Variants in MTUS2 observed in about 807,000 individuals in gnomAD.
MTUS2 encodes the protein microtubule-associated tumor suppressor candidate 2.
In MTUS2, 40 loss-of-function variants were observed where a neutral mutation model predicts 114.1. The ratio of observed to expected loss-of-function variants is 0.35; its 90% CI spans 0.27 to 0.46. The LOEUF (loss-of-function observed/expected upper bound fraction) is 0.46. Among genes scored for constraint, MTUS2 ranks in the 20% least tolerant of loss-of-function variants. The pLI, the probability that MTUS2 is intolerant of heterozygous loss-of-function variation, is 1.00. For missense variants in MTUS2, 1,679 were observed against 1,705.4 expected, an observed-to-expected ratio of 0.98 and a Z score of 0.27; for synonymous variants, 688 against 672.0, an observed-to-expected ratio of 1.02 and a Z score of -0.37.
At chr13:29,375,437 A>G (rs111551715) in intron 8 of MTUS2, among the ~76,000 whole-genome samples, 27,221 of 120,544 alleles carry the variant, frequency 0.23, 5,027 homozygotes, top group Middle Eastern at 0.32. Context: ...AAAAACCGCA[A>G]TTACTTACTT....
intron 2 of MTUS2, among the ~76,000 whole-genome samples, chr13:28,852,111 G>C (rs568017625): frequency 6.7e-4 from 102 of 152,178 alleles, no homozygotes; most frequent in African/African-American, 2.2e-3. Flanking sequence ...CTGCTTGCAG[G>C]ATTACTCCCT....
At chr13:29,250,737 T>C (rs1295753364) in intron 5 of MTUS2, among the ~76,000 whole-genome samples, 1 of 151,924 alleles carries the variant, frequency 6.6e-6, no homozygotes, top group Admixed American at 6.6e-5. Flanking sequence ...TCACATCTAG[T>C]CTCTCAGGAT....
chr13:29,203,308 C>T (rs1014441043), intron 5 of MTUS2, among the ~76,000 whole-genome samples: 1 of 152,184 alleles, frequency 6.6e-6, no homozygotes, highest in African/African-American at 2.4e-5. Context: ...TTTGTTTACA[C>T]TGTGAGGGGA....
chr13:28,929,955 GC>G (rs1214491359), intron 2 of MTUS2, among the ~76,000 whole-genome samples: 1 of 152,134 alleles, frequency 6.6e-6, no homozygotes, highest in East Asian at 1.9e-4. Flanking sequence ...AGGAGGTGGG[GC>G]TGAGGCTGCA....
At chr13:29,233,233 G>GAAAA (rs5802513) in intron 5 of MTUS2, among the ~76,000 whole-genome samples, 53 of 147,704 alleles carry the variant, frequency 3.6e-4, no homozygotes, top group African/African-American at 1.0e-3. Flanking sequence ...CATTTTTTAA[G>GAAAA]AAAAAAAAAA....
intron 5 of MTUS2, among the ~76,000 whole-genome samples, chr13:29,278,873 T>C (rs1593254488): frequency 6.6e-6 from 1 of 152,214 alleles, no homozygotes; most frequent in Non-Finnish European, 1.5e-5. Context: ...CTACAGGTAT[T>C]ATCAGATTTA....
intron 5 of MTUS2, among the ~76,000 whole-genome samples, chr13:29,192,276 G>T (rs890842515): frequency 6.6e-6 from 1 of 152,286 alleles, no homozygotes; most frequent in Admixed American, 6.5e-5. Context: ...CTAGGTATGT[G>T]ACTCTGTTCA....
At chr13:29,139,728 T>C (rs547452471) in intron 5 of MTUS2, among the ~76,000 whole-genome samples, 3 of 152,318 alleles carry the variant, frequency 2.0e-5, no homozygotes, top group African/African-American at 7.2e-5. Context: ...ACAATGATTA[T>C]TTAGAGTCAT....
intron 9 of MTUS2, among the ~76,000 whole-genome samples, chr13:29,457,241 C>T (rs536670453): frequency 6.6e-6 from 1 of 151,920 alleles, no homozygotes; most frequent in South Asian, 2.1e-4. Flanking sequence ...TCTATGTAAT[C>T]ACCACCCAAA....
intron 5 of MTUS2, among the ~76,000 whole-genome samples, chr13:29,266,545 A>C (rs1398526405): frequency 6.6e-6 from 1 of 152,202 alleles, no homozygotes; most frequent in Non-Finnish European, 1.5e-5. Context: ...AAACCATTAA[A>C]TTTTGATAAA....
At chr13:29,298,297 T>G (rs915327416) in intron 6 of MTUS2, among the ~76,000 whole-genome samples, 1 of 152,196 alleles carries the variant, frequency 6.6e-6, no homozygotes, top group Admixed American at 6.5e-5. Flanking sequence ...TTATTTGAGT[T>G]CCTCTCTACC....
intron 2 of MTUS2, among the ~76,000 whole-genome samples, chr13:28,897,032 A>C (rs1879316003): frequency 6.6e-6 from 1 of 152,354 alleles, no homozygotes; most frequent in East Asian, 1.9e-4. Flanking sequence ...CAATGGCAAC[A>C]AAAGCCAAAA....
intron 5 of MTUS2, among the ~76,000 whole-genome samples, chr13:29,152,086 G>C (rs755834664): frequency 6.6e-6 from 1 of 151,670 alleles, no homozygotes; most frequent in Non-Finnish European, 1.5e-5. Flanking sequence ...GATTTTTTTT[G>C]GGGGGGAATA....
intron 5 of MTUS2, among the ~76,000 whole-genome samples, chr13:29,195,152 G>C (rs1894630186): frequency 6.7e-6 from 1 of 148,904 alleles, no homozygotes; most frequent in Non-Finnish European, 1.5e-5. Context: ...TAAATGACGA[G>C]TTAATGGGTG....
intron 2 of MTUS2, among the ~76,000 whole-genome samples, chr13:28,981,951 G>A (rs1344284267): frequency 1.1e-4 from 17 of 152,178 alleles, no homozygotes; most frequent in Admixed American, 6.5e-5. Flanking sequence ...AATTGCTTCC[G>A]AGTGCCCCAG....
chr13:29,392,944 A>G (rs1873624323), intron 8 of MTUS2, among the ~76,000 whole-genome samples: 1 of 152,214 alleles, frequency 6.6e-6, no homozygotes, highest in Admixed American at 6.5e-5. Context: ...CATCTATGCA[A>G]TGATATCTGA....
chr13:28,893,598 A>G (rs908845298), intron 2 of MTUS2, among the ~76,000 whole-genome samples: 4 of 152,186 alleles, frequency 2.6e-5, no homozygotes, highest in Non-Finnish European at 5.9e-5. Context: ...AGGTTTCATC[A>G]TGAGTAATTC....
intron 5 of MTUS2, among the ~76,000 whole-genome samples, chr13:29,190,886 G>A (rs1894419992): frequency 6.6e-6 from 1 of 152,118 alleles, no homozygotes; most frequent in Admixed American, 6.5e-5. Context: ...TAGTGAACTT[G>A]GGCAACTGTG....
At chr13:29,234,002 A>G (rs966155831) in intron 5 of MTUS2, among the ~76,000 whole-genome samples, 5 of 152,204 alleles carry the variant, frequency 3.3e-5, no homozygotes, top group African/African-American at 9.6e-5. Flanking sequence ...TTTAAGAAAA[A>G]ATGGGAAAAT....
Sources: allele counts gnomAD v4.1 joint callset (sites outside exome capture counted in the v4.1 genomes callset), GRCh38; gene constraint gnomAD v4.1.1; transcripts MANE v1.5; gene names NCBI Gene and HGNC (gene_info 2026-07-23, HGNC 2026-07-21).